Variants in DIAPH3 observed in about 807,000 individuals in gnomAD.
DIAPH3 encodes protein diaphanous homolog 3.
DIAPH3 carries 117 observed loss-of-function variants against 144.3 expected under a neutral mutation model. The observed-to-expected ratio is 0.81, with a 90% CI of 0.70 to 0.95. The LOEUF (loss-of-function observed/expected upper bound fraction) is 0.95, where lower values mean the gene tolerates loss of function less well. Among genes scored for constraint, DIAPH3 ranks in the 40% least tolerant of loss-of-function variants. DIAPH3 has a pLI of 0.00. For missense variants in DIAPH3, 1,421 were observed against 1,412.7 expected, an observed-to-expected ratio of 1.01 and a Z score of -0.09; for synonymous variants, 519 against 488.9, an observed-to-expected ratio of 1.06 and a Z score of -0.81.
At chr13:60,003,249 T>C (rs926565327) in intron 9 of DIAPH3, among the ~76,000 whole-genome samples, 3 of 152,116 alleles carry the variant, frequency 2.0e-5, no homozygotes, top group Non-Finnish European at 4.4e-5. Context: ...CCCACATGAT[T>C]CCCTGGGCCT....
chr13:60,053,807 G>C (rs2056452363), intron 4 of DIAPH3, among the ~76,000 whole-genome samples: 1 of 151,758 alleles, frequency 6.6e-6, no homozygotes, highest in Non-Finnish European at 1.5e-5. Flanking sequence ...CAACCATAAA[G>C]AATCTACCAT....
intron 27 of DIAPH3, among the ~76,000 whole-genome samples, chr13:59,703,735 C>A (rs1298840585): frequency 6.6e-6 from 1 of 152,172 alleles, no homozygotes; most frequent in African/African-American, 2.4e-5. Context: ...ATAACTATTT[C>A]TTGTATGCGT....
intron 17 of DIAPH3, among the ~76,000 whole-genome samples, chr13:59,929,345 C>T (rs1285170491): frequency 6.6e-6 from 1 of 151,928 alleles, no homozygotes; most frequent in Non-Finnish European, 1.5e-5. Flanking sequence ...TATAATTAAC[C>T]ATCTTTCTCA....
At position 60,020,555 on chromosome 13, in the gene DIAPH3, G is replaced by A. The variant is rs559261120; in HGVS notation, c.627-4410C>T. Among the ~76,000 whole-genome samples the A allele has an allele frequency of 3.3e-5, 5 of 152,100 alleles. 1 individual carries two copies. Among genetic ancestry groups the A allele is most frequent in the African/African-American group, 9.6e-5 (4 of 41,482 alleles). ...GCTAATTTTAACTTTTGTAGAGATC[G>A]GGTCTCACTACGTTGCCCAGGCCAG... On this transcript the variant is annotated intron_variant, in intron 5 of 27. Coordinates refer to ENST00000400324, the MANE Select transcript of DIAPH3 (RefSeq NM_001042517.2).
At chr13:59,766,833 C>T (rs1017578974) in intron 27 of DIAPH3, among the ~76,000 whole-genome samples, 1 of 152,026 alleles carries the variant, frequency 6.6e-6, no homozygotes. Flanking sequence ...CTCCACTCCT[C>T]CTCCAGCCAA....
At chr13:59,762,336 A>G (rs1198514962) in intron 27 of DIAPH3, among the ~76,000 whole-genome samples, 2 of 152,132 alleles carry the variant, frequency 1.3e-5, no homozygotes, top group African/African-American at 4.8e-5. Context: ...CTGGGATTAC[A>G]GGCGTGAGCC....
intron 27 of DIAPH3, among the ~76,000 whole-genome samples, chr13:59,731,087 C>T (rs889895660): frequency 1.3e-5 from 2 of 152,146 alleles, no homozygotes; most frequent in South Asian, 2.1e-4. Flanking sequence ...ACTTCTGGGA[C>T]CTCCCTTCAC....
chr13:59,678,767 G>A (rs2032775877), intron 27 of DIAPH3, among the ~76,000 whole-genome samples: 1 of 152,046 alleles, frequency 6.6e-6, no homozygotes. Flanking sequence ...AAAAGAAAGA[G>A]AAACAAAACT....
chr13:59,912,090 T>C (rs900533230), intron 19 of DIAPH3, among the ~76,000 whole-genome samples: 5 of 152,142 alleles, frequency 3.3e-5, no homozygotes, highest in Admixed American at 3.3e-4. Flanking sequence ...TGATTAGCTA[T>C]ATAATTGAGA....
chr13:59,923,109 G>A (rs2047593227), intron 18 of DIAPH3, among the ~76,000 whole-genome samples: 1 of 152,026 alleles, frequency 6.6e-6, no homozygotes, highest in African/African-American at 2.4e-5. Flanking sequence ...TGTAGAACAT[G>A]TTCTGTAATA....
At chr13:59,895,208 T>C (rs2046016739) in intron 20 of DIAPH3, among the ~76,000 whole-genome samples, 1 of 152,254 alleles carries the variant, frequency 6.6e-6, no homozygotes, top group Non-Finnish European at 1.5e-5. Flanking sequence ...ACAAATATAG[T>C]AAATCAAATT....
intron 4 of DIAPH3, among the ~76,000 whole-genome samples, chr13:60,044,906 G>A (rs1174204485): frequency 1.3e-5 from 2 of 152,112 alleles, no homozygotes; most frequent in Non-Finnish European, 2.9e-5. Context: ...TTTAAAAGGG[G>A]CTTTTCCCCC....
At chr13:59,728,577 T>A (rs2035720450) in intron 27 of DIAPH3, among the ~76,000 whole-genome samples, 1 of 151,968 alleles carries the variant, frequency 6.6e-6, no homozygotes, top group African/African-American at 2.4e-5. Context: ...TTTTTAGGTA[T>A]AATAATGTAT....
At chr13:59,842,454 CA>C (rs1164993007) in intron 22 of DIAPH3, among the ~76,000 whole-genome samples, 1 of 152,128 alleles carries the variant, frequency 6.6e-6, no homozygotes, top group Non-Finnish European at 1.5e-5. Context: ...ATTGTTCCAA[CA>C]CCAATCAATT....
intron 17 of DIAPH3, among the ~76,000 whole-genome samples, chr13:59,963,685 A>T (rs971513196): frequency 6.6e-6 from 1 of 151,920 alleles, no homozygotes; most frequent in Non-Finnish European, 1.5e-5. Flanking sequence ...AGATTTACAA[A>T]TTTTTCTTCT....
At chr13:60,043,123 T>C (rs1051854145) in intron 4 of DIAPH3, among the ~76,000 whole-genome samples, 1 of 152,164 alleles carries the variant, frequency 6.6e-6, no homozygotes, top group Non-Finnish European at 1.5e-5. Context: ...CAGTAATATT[T>C]TTAGGCACAC....
chr13:59,717,280 G>T (rs190227583), intron 27 of DIAPH3, among the ~76,000 whole-genome samples: 6 of 152,256 alleles, frequency 3.9e-5, no homozygotes, highest in Admixed American at 1.3e-4. Context: ...TATACATACC[G>T]ATTAAGCTTT....
intron 2 of DIAPH3, among the ~76,000 whole-genome samples, chr13:60,121,373 A>G (rs992009514): frequency 2.0e-5 from 3 of 152,244 alleles, no homozygotes; most frequent in Non-Finnish European, 2.9e-5. Context: ...CCACAAGCTA[A>G]GAACACCTGG....
At chr13:59,841,852 G>A (rs538036926) in intron 22 of DIAPH3, among the ~76,000 whole-genome samples, 19 of 152,152 alleles carry the variant, frequency 1.2e-4, no homozygotes, top group Admixed American at 2.6e-4. Context: ...CATGAAGTAG[G>A]CATTATTATT....
Sources: allele counts gnomAD v4.1 joint callset (sites outside exome capture counted in the v4.1 genomes callset), GRCh38; gene constraint gnomAD v4.1.1; transcripts MANE v1.5; gene names NCBI Gene and HGNC (gene_info 2026-07-23, HGNC 2026-07-21).